FGD4: variants seen among roughly 807,000 people sequenced by gnomAD.
The protein encoded by FGD4 is FYVE, RhoGEF and PH domain containing 4, also known as FYVE, RhoGEF and PH domain-containing protein 4.
A neutral mutation model predicts 102.0 loss-of-function variants in FGD4; 42 were observed. The observed-to-expected ratio is 0.41, with a 90% confidence interval of 0.32 to 0.53. The LOEUF (loss-of-function observed/expected upper bound fraction) is 0.53. Among genes scored for constraint, FGD4 ranks in the 20% least tolerant of loss-of-function variants. FGD4 has a pLI of 0.21. For missense variants in FGD4, 902 were observed against 1,078.2 expected (o/e 0.84, Z 2.29); for synonymous variants, 380 against 375.7 (o/e 1.01, Z -0.13).
intron 1 of FGD4, among the ~76,000 whole-genome samples, chr12:32,508,859 T>G (rs1209358822): frequency 6.6e-6 from 1 of 152,242 alleles, no homozygotes; most frequent in Admixed American, 6.5e-5. Flanking sequence ...ACAGAGCACA[T>G]GAGCATTGGG....
intron 1 of FGD4, among the ~76,000 whole-genome samples, chr12:32,459,286 C>T (rs1022945126): frequency 6.6e-6 from 1 of 151,580 alleles, no homozygotes; most frequent in African/African-American, 2.4e-5. Context: ...CTCCACCTCC[C>T]AGGTTCAAGC....
rs1591838121 is a variant in FGD4 at position 32,405,694 on chromosome 12, G to T, written c.166+5735G>T. Among the ~76,000 whole-genome samples, 2 of 152,216 alleles carry T rather than the reference G, an allele frequency of 1.3e-5. 1 individual carries two copies. Among genetic ancestry groups the T allele is most frequent in the East Asian group, 3.9e-4 (2 of 5,170 alleles). On this transcript the variant is annotated intron_variant, in intron 1 of 16. Coordinates refer to ENST00000534526, the MANE Select transcript of FGD4 (RefSeq NM_001370298.3). Reference sequence around the variant, plus strand: ...GAAATCTAGGTTCATGGTTTTAACTGGTAACAGAGAAGAGGAACTGGAATT... The same window carrying T: ...GAAATCTAGGTTCATGGTTTTAACTTGTAACAGAGAAGAGGAACTGGAATT...
chr12:32,529,124 A>AT lies in FGD4; in HGVS notation c.167-35004dup, dbSNP rs879590984. Among the ~76,000 whole-genome samples the AT allele has an allele frequency of 9.6e-4, 145 of 150,840 alleles. 2 individuals carry two copies. The highest frequency in any genetic ancestry group is 2.8e-3 in the African/African-American group (116 of 41,142). ...ACGTGCAAAATGGAAATTATGCATCATTTTTTTTTGAGACGCAGTCTCACT... is the reference window on the plus strand; with the variant it reads ...ACGTGCAAAATGGAAATTATGCATCATTTTTTTTTTGAGACGCAGTCTCACT... On this transcript the variant is annotated intron_variant, in intron 1 of 16. Coordinates refer to ENST00000534526, the MANE Select transcript of FGD4 (RefSeq NM_001370298.3).
intron 1 of FGD4, among the ~76,000 whole-genome samples, chr12:32,408,165 ATTTT>A (rs35583015): frequency 8.6e-6 from 1 of 116,202 alleles, no homozygotes. Context: ...TGTCCAGCCA[ATTTT>A]TTTTTTTTTT....
At position 32,602,227 on chromosome 12, in the gene FGD4, A is replaced by G. The variant is rs1174071012; in HGVS notation, c.1314A>G (p.Glu438=). 6.2e-7 allele frequency: 1 copy of G among 1,614,140 alleles called. No homozygotes were observed. The highest frequency in any genetic ancestry group is 1.1e-5 in the South Asian group (1 of 91,088). The change falls in exon 7 of 17, where the codon GAA becomes GAG. Residue 438 remains glutamate (E), a synonymous_variant. Coordinates refer to ENST00000534526, the MANE Select transcript of FGD4 (RefSeq NM_001370298.3). ...KLAPFLKMYG[E]YVKGFDNAME... is the part of the protein sequence containing the mutation. ...CACCATTCCTTAAGATGTATGGAGA[A>G]TATGTGAAAGGATTTGATAATGCAA...
At chr12:32,599,818 G>C (rs1450910279) in intron 5 of FGD4, among the ~76,000 whole-genome samples, 1 of 151,838 alleles carries the variant, frequency 6.6e-6, no homozygotes. Context: ...AAAGTGCTGG[G>C]ATTACAGGCG....
intron 1 of FGD4, among the ~76,000 whole-genome samples, chr12:32,443,813 C>T (rs1197546452): frequency 6.6e-6 from 1 of 150,718 alleles, no homozygotes; most frequent in Admixed American, 6.6e-5. Flanking sequence ...AATGGTGCAG[C>T]CTTCAAGTTC....
chr12:32,638,899 C>T (rs117875400), intron 16 of FGD4, 104 bp downstream of exon 16: 80 of 1,571,282 alleles, frequency 5.1e-5, no homozygotes, highest in Non-Finnish European at 6.4e-5. Context: ...CAGGCAGTTT[C>T]ACTGTTTCAT....
intron 1 of FGD4, among the ~76,000 whole-genome samples, chr12:32,515,522 G>A (rs1002298999): frequency 3.3e-5 from 5 of 152,346 alleles, no homozygotes; most frequent in Admixed American, 6.5e-5. Flanking sequence ...ATCATAGACC[G>A]TAGGGCTGAG....
intron 1 of FGD4, among the ~76,000 whole-genome samples, chr12:32,487,384 C>T (rs1943940399): frequency 6.6e-6 from 1 of 151,916 alleles, no homozygotes; most frequent in African/African-American, 2.4e-5. Flanking sequence ...TGACAGGCAG[C>T]GATGTGCTTG....
chr12:32,504,397 C>A (rs902270183), intron 1 of FGD4, among the ~76,000 whole-genome samples: 19 of 152,160 alleles, frequency 1.2e-4, no homozygotes, highest in African/African-American at 4.6e-4. Flanking sequence ...TGTCCACTTC[C>A]ATGCACAACA....
In FGD4 at chr12:32,640,573, TTACAGCTCAAGACA is replaced by T. The variant is rs1951113463; in HGVS notation, c.*42_*55del. ...AGCCATGGTGTGGAGGTCTCAGGAC[TTACAGCTCAAGACA>T]TTCCCAGCTCTTCTTACACATCTGC... On this transcript the variant is annotated 3_prime_UTR_variant, in exon 17 of 17. Transcript: ENST00000534526. The T allele has an allele frequency of 6.2e-7, 1 of 1,612,488 alleles. No homozygotes were observed. Among genetic ancestry groups the T allele is most frequent in the African/African-American group, 1.3e-5 (1 of 74,912 alleles).
intron 14 of FGD4, among the ~76,000 whole-genome samples, chr12:32,633,005 C>T (rs1224393891): frequency 2.0e-5 from 3 of 148,634 alleles, no homozygotes; most frequent in Non-Finnish European, 4.4e-5. Flanking sequence ...CAAACTAAAA[C>T]GCCATGGACT....
intron 1 of FGD4, among the ~76,000 whole-genome samples, chr12:32,494,157 A>G (rs1370940148): frequency 1.3e-5 from 2 of 152,198 alleles, no homozygotes; most frequent in African/African-American, 4.8e-5. Flanking sequence ...TCCTGCCTCA[A>G]CCTTGCGAGT....
intron 1 of FGD4, among the ~76,000 whole-genome samples, chr12:32,469,396 A>C (rs1312742093): frequency 2.0e-5 from 3 of 151,662 alleles, no homozygotes; most frequent in African/African-American, 7.3e-5. Context: ...CTCCTGCCTC[A>C]GCCTCCCAAG....
In FGD4 at chr12:32,552,434, A is replaced by ATTTTT. The variant is rs66646521; in HGVS notation, c.167-11682_167-11678dup. Among the ~76,000 whole-genome samples, 633 of 120,880 alleles carry ATTTTT rather than the reference A, an allele frequency of 5.2e-3. 1 individual carries two copies. The highest frequency in any genetic ancestry group is 6.9e-3 in the Non-Finnish European group (396 of 57,548). 79.3% of individuals were successfully genotyped at this position (120,880 alleles called of 152,430 possible). A position where few individuals can be genotyped will look rare whatever the true frequency, so the allele number is the denominator to read the frequency against. On this transcript the variant is annotated intron_variant, in intron 1 of 16. Transcript: ENST00000534526. ...GCCGCCATGCCCGACTAATTTTTGC[A>ATTTTT]TTTTTTTTTTTTTTTTTTTTTTTTT...
In FGD4 at chr12:32,624,074, T is replaced by C. The variant is rs1030312207; in HGVS notation, c.1923-348T>C. Among the ~76,000 whole-genome samples, 3 of 152,336 alleles carry C rather than the reference T, an allele frequency of 2.0e-5. No homozygotes were observed. The East Asian group carries it at 5.8e-4, about 29-fold the overall frequency. On this transcript the variant is annotated intron_variant, in intron 11 of 16. Transcript: ENST00000534526. Reference sequence around the variant, plus strand: ...GAATAGTAGCCTTTAGTAGCCTTCATGTGTTTTAGAAAACTGGAAGATTAG... The same window carrying C: ...GAATAGTAGCCTTTAGTAGCCTTCACGTGTTTTAGAAAACTGGAAGATTAG...
At chr12:32,519,189 A>G (rs902940216) in intron 1 of FGD4, among the ~76,000 whole-genome samples, 2 of 150,942 alleles carry the variant, frequency 1.3e-5, no homozygotes, top group African/African-American at 4.9e-5. Context: ...CTAACCTTTC[A>G]TGTGAAGACA....
intron 1 of FGD4, among the ~76,000 whole-genome samples, chr12:32,485,099 G>A (rs1943856996): frequency 6.6e-6 from 1 of 152,100 alleles, no homozygotes; most frequent in Admixed American, 6.6e-5. Context: ...TAGAGATGGG[G>A]TCTCACCATG....
Sources: allele counts gnomAD v4.1 joint callset (sites outside exome capture counted in the v4.1 genomes callset), GRCh38; gene constraint gnomAD v4.1.1; transcripts MANE v1.5; gene names NCBI Gene and HGNC (gene_info 2026-07-23, HGNC 2026-07-21).